The following KIF26B variants were observed in gnomAD, a reference collection of about 807,000 sequenced individuals.
KIF26B encodes kinesin-like protein KIF26B.
Under a neutral mutation model 151.2 loss-of-function variants are expected in KIF26B, and 63 were observed. The observed-to-expected ratio is 0.42, with a 90% CI of 0.34 to 0.51. The LOEUF (loss-of-function observed/expected upper bound fraction) is 0.51. Among genes scored for constraint, KIF26B ranks in the 20% least tolerant of loss-of-function variants. The pLI is 0.07. For missense variants in KIF26B, 2,813 were observed against 2,913.6 expected (o/e 0.97, Z 0.79); for synonymous variants, 1,357 against 1,262.1 (o/e 1.08, Z -1.59).
chr1:245,684,158 C>A, intron 10 of KIF26B, 75 bp from the exon 11 acceptor site: 1 of 1,509,634 alleles, frequency 6.6e-7, no homozygotes. Context: ...TGGCCGTGTG[C>A]AGGCCTGAAG....
chr1:245,294,435 C>G (rs1671303750), intron 2 of KIF26B, among the ~76,000 whole-genome samples: 1 of 152,152 alleles, frequency 6.6e-6, no homozygotes. Context: ...TACAATAATT[C>G]CTTTCCTTTT....
chr1:245,258,093 G>C (rs1670573294), intron 2 of KIF26B, among the ~76,000 whole-genome samples: 1 of 152,176 alleles, frequency 6.6e-6, no homozygotes, highest in Non-Finnish European at 1.5e-5. Flanking sequence ...GAGCAGCCCA[G>C]GCCTGGGGTC....
Position 245,219,623 on chromosome 1 carries a change from A to G in KIF26B, c.465+62940A>G, listed in dbSNP as rs143617598. Reference sequence around the variant, plus strand: ...GTGGCACATGCATGTAGTTCCAGCTACTCAGGAGGCTGAGGCGGGAGGATC... The same window carrying G: ...GTGGCACATGCATGTAGTTCCAGCTGCTCAGGAGGCTGAGGCGGGAGGATC... On this transcript the variant is annotated intron_variant, in intron 2 of 14. Transcript: ENST00000407071. 4.3e-3 allele frequency among the ~76,000 whole-genome samples: 657 copies of G among 152,070 alleles called. 4 individuals carry two copies. The highest frequency in any genetic ancestry group is 0.015 in the African/African-American group (642 of 41,502).
intron 2 of KIF26B, among the ~76,000 whole-genome samples, chr1:245,242,951 T>C (rs1670238779): frequency 2.0e-5 from 3 of 152,142 alleles, no homozygotes; most frequent in African/African-American, 4.8e-5. Context: ...CGCCCAGCCA[T>C]ATGTGGTTTA....
At chr1:245,626,382 T>G (rs1341898803) in intron 9 of KIF26B, among the ~76,000 whole-genome samples, 1 of 143,008 alleles carries the variant, frequency 7.0e-6, no homozygotes, top group African/African-American at 2.6e-5. Context: ...ACTATGCATC[T>G]TCACTAGATT....
chr1:245,319,357 C>T (rs1027017927), intron 2 of KIF26B, among the ~76,000 whole-genome samples: 2 of 152,192 alleles, frequency 1.3e-5, no homozygotes, highest in African/African-American at 4.8e-5. Flanking sequence ...ACTTCTTGCT[C>T]AGCATTTGTC....
chr1:245,624,771 T>C (rs2043705378), intron 9 of KIF26B, among the ~76,000 whole-genome samples: 1 of 152,180 alleles, frequency 6.6e-6, no homozygotes, highest in Non-Finnish European at 1.5e-5. Context: ...CTTTTATGAA[T>C]CATGTTTTTG....
chr1:245,691,343 G>A (rs1429632428), intron 12 of KIF26B, among the ~76,000 whole-genome samples: 2 of 152,196 alleles, frequency 1.3e-5, no homozygotes, highest in African/African-American at 4.8e-5. Context: ...GTTAGGTAAG[G>A]CTATTGGAGG....
rs1660850399 is a variant in KIF26B, at chr1:245,512,110, T to C, written c.1167-28657T>C. On this transcript the variant is annotated intron_variant, in intron 4 of 14. Coordinates refer to ENST00000407071, the MANE Select transcript of KIF26B (RefSeq NM_018012.4). This position sits in a 1 kb window ranked among gnomAD's most constrained non-coding sequence, Gnocchi z 4.3. ...GTCATTTGCAACTTTTTAAAAAAAGTCCATACGGTAATGTTAATGCAGCTA... is the reference window on the plus strand; with the variant it reads ...GTCATTTGCAACTTTTTAAAAAAAGCCCATACGGTAATGTTAATGCAGCTA... Among the ~76,000 whole-genome samples, 1 of 152,180 alleles carries C rather than the reference T, an allele frequency of 6.6e-6. No homozygotes were observed. Among genetic ancestry groups the C allele is most frequent in the Non-Finnish European group, 1.5e-5 (1 of 68,018 alleles).
intron 5 of KIF26B, among the ~76,000 whole-genome samples, chr1:245,579,468 A>AC (rs1321297542): frequency 6.6e-6 from 1 of 152,142 alleles, no homozygotes; most frequent in Non-Finnish European, 1.5e-5. Context: ...ACTGCACTCC[A>AC]GCCTGAGCGA....
At chr1:245,305,632 C>T (rs1283447973) in intron 2 of KIF26B, among the ~76,000 whole-genome samples, 1 of 152,112 alleles carries the variant, frequency 6.6e-6, no homozygotes, top group African/African-American at 2.4e-5. Context: ...AATCCTTATA[C>T]ATTGCTGTTG....
chr1:245,367,265 C>T lies in KIF26B; in HGVS notation c.897C>T (p.Ser299=). ...KVSLQMATSP[S]NGNILNSVAI... is the part of the protein sequence containing the mutation. ...GCCTCCAGATGGCCACCAGTCCAAG[C>T]AATGGGAACATCCTCAATTCGGTGG... Residue 299 remains serine (S), a synonymous_variant, in exon 3 of 15, where the codon AGC becomes AGT. Transcript: ENST00000407071. The surrounding 1 kb of genome is among the most constrained non-coding windows in gnomAD (Gnocchi z 4.2). 1 of 1,605,882 alleles carries T rather than the reference C, an allele frequency of 6.2e-7. No homozygotes were observed. The highest frequency in any genetic ancestry group is 8.5e-7 in the Non-Finnish European group (1 of 1,176,262).
At position 245,619,603 on chromosome 1, in the gene KIF26B, C is replaced by CAAAAAAAAAAAAAA. The variant is rs34022501; in HGVS notation, c.2098+7633_2098+7646dup. On this transcript the variant is annotated intron_variant, in intron 9 of 14. Transcript: ENST00000407071. ...CCTGGGCAATAGAGGGAAACTGTTT[C>CAAAAAAAAAAAAAA]AAAAAAAAAAAAAAAAAAAGAATCT... Among the ~76,000 whole-genome samples, 229 of 110,724 alleles carry CAAAAAAAAAAAAAA rather than the reference C, an allele frequency of 2.1e-3. 3 individuals are homozygous for CAAAAAAAAAAAAAA. Among genetic ancestry groups the CAAAAAAAAAAAAAA allele is most frequent in the Admixed American group, 3.4e-3 (33 of 9,630 alleles). 72.6% of individuals were successfully genotyped at this position (110,724 alleles called of 152,430 possible).
intron 10 of KIF26B, among the ~76,000 whole-genome samples, chr1:245,662,435 GAT>G (rs61475459): frequency 0.015 from 2,082 of 140,016 alleles, 24 homozygotes; most frequent in African/African-American, 0.026. Flanking sequence ...ACACATACCC[GAT>G]ATATATATAT....
In KIF26B at chr1:245,688,145, C is replaced by A; in HGVS notation, c.5162C>A (p.Ser1721Tyr). 6.3e-7 allele frequency: 1 copy of A among 1,593,426 alleles called. No individual in the cohort carries two copies. Among genetic ancestry groups the A allele is most frequent in the Non-Finnish European group, 8.5e-7 (1 of 1,176,324 alleles). Residue 1721 changes from serine (S) to tyrosine (Y), a missense_variant, in exon 12 of 15, where the codon TCC becomes TAC. Physicochemically the swap from Ser to Tyr is moderately radical, Grantham distance 144. Coordinates refer to ENST00000407071, the MANE Select transcript of KIF26B (RefSeq NM_018012.4). ...GRSAGTSPPS[S>Y]GASPKAGQSK... ...AGCGCCGGGACCTCGCCCCCCAGCT[C>A]CGGGGCCTCGCCCAAGGCCGGCCAG...
intron 2 of KIF26B, among the ~76,000 whole-genome samples, chr1:245,269,636 T>G (rs571959665): frequency 6.6e-6 from 1 of 152,046 alleles, no homozygotes; most frequent in Admixed American, 6.5e-5. Context: ...AGCTAATTTT[T>G]GTATTTTTAG....
intron 10 of KIF26B, among the ~76,000 whole-genome samples, chr1:245,681,225 T>A (rs1367245684): frequency 9.3e-6 from 1 of 108,006 alleles, no homozygotes; most frequent in East Asian, 2.6e-4. Flanking sequence ...TTTTTTTTTT[T>A]TTGAGACAGA....
At chr1:245,247,042 G>A (rs2103563137) in intron 2 of KIF26B, among the ~76,000 whole-genome samples, 1 of 152,210 alleles carries the variant, frequency 6.6e-6, no homozygotes, top group African/African-American at 2.4e-5. Flanking sequence ...TAAGTGCAGA[G>A]GGGCCAGAGG....
chr1:245,553,162 G>C (rs1661934110), intron 5 of KIF26B, among the ~76,000 whole-genome samples: 1 of 152,192 alleles, frequency 6.6e-6, no homozygotes. Flanking sequence ...ACACCCCTGT[G>C]GGAAGCTTCC....
Sources: allele counts gnomAD v4.1 joint callset (sites outside exome capture counted in the v4.1 genomes callset), GRCh38; gene constraint gnomAD v4.1.1; non-coding constraint Gnocchi (gnomAD v3.1); transcripts MANE v1.5; gene names NCBI Gene and HGNC (gene_info 2026-07-23, HGNC 2026-07-21).